PCSK2: variants seen among roughly 807,000 people sequenced by gnomAD.
PCSK2 encodes proprotein convertase subtilisin/kexin type 2, also known as neuroendocrine convertase 2.
Under a neutral mutation model 69.7 loss-of-function variants are expected in PCSK2, and 14 were observed. That is an observed-to-expected ratio of 0.20 (90% CI 0.13 to 0.31). The LOEUF (loss-of-function observed/expected upper bound fraction) is 0.31, where lower values mean the gene tolerates loss of function less well. PCSK2 is among the 10% of genes least tolerant of loss of function. The pLI, the probability that PCSK2 is intolerant of heterozygous loss-of-function variation, is 1.00. For missense variants in PCSK2, 544 were observed against 842.5 expected (o/e 0.65, Z 4.39); for synonymous variants, 307 against 320.7 (o/e 0.96, Z 0.46).
At position 17,453,407 on chromosome 20, in the gene PCSK2, G is replaced by T. The variant is rs990939205; in HGVS notation, c.886-335G>T. Reference sequence around the variant, plus strand: ...TGTTTTTTATTTTCCTTTCCATACAGTTAGACTTTTCATTGTGAGCATGTA... The same window carrying T: ...TGTTTTTTATTTTCCTTTCCATACATTTAGACTTTTCATTGTGAGCATGTA... On this transcript the variant is annotated intron_variant, in intron 8 of 11. Transcript: ENST00000262545. This position sits in a 1 kb window ranked among gnomAD's most constrained non-coding sequence, Gnocchi z 4.0. Among the ~76,000 whole-genome samples, 5 of 152,098 alleles carry T rather than the reference G, an allele frequency of 3.3e-5. No individual in the cohort carries two copies. The highest frequency in any genetic ancestry group is 7.4e-5 in the Non-Finnish European group (5 of 68,000).
intron 1 of PCSK2, among the ~76,000 whole-genome samples, chr20:17,254,151 C>T (rs1987092912): frequency 6.6e-6 from 1 of 152,160 alleles, no homozygotes; most frequent in Non-Finnish European, 1.5e-5. Context: ...TTTCTCCAAT[C>T]TGTGGGTTGT....
At chr20:17,262,422 A>G (rs1274453809) in intron 2 of PCSK2, among the ~76,000 whole-genome samples, 3 of 151,948 alleles carry the variant, frequency 2.0e-5, no homozygotes, top group Non-Finnish European at 4.4e-5. Context: ...AACTCATTCT[A>G]GGAAAATAAA....
Position 17,456,391 on chromosome 20 carries a change from G to T in PCSK2, c.1145G>T (p.Gly382Val). The T allele has an allele frequency of 6.2e-7, 1 of 1,613,240 alleles. No individual in the cohort carries two copies. The highest frequency in any genetic ancestry group is 8.5e-7 in the Non-Finnish European group (1 of 1,179,186). ...GGCAACTGCACTCTGAGGCATTCTG[G>T]GACATCTGCAGCTGCCCCCGAGGCA... is the stretch of plus-strand genomic sequence containing the variant. ...LYGNCTLRHSGTSAAAPEAAG... is the reference protein window; with the variant it reads ...LYGNCTLRHSVTSAAAPEAAG... The change falls in exon 10 of 12, where the codon GGG becomes GTG. Residue 382 changes from glycine (G) to valine (V), a missense_variant. This residue lies in a region of PCSK2 where 187 missense variants were observed against 399.8 expected (regional missense o/e 0.47). Transcript: ENST00000262545.
chr20:17,309,003 C>G (rs1045897393), intron 2 of PCSK2, among the ~76,000 whole-genome samples: 1 of 152,192 alleles, frequency 6.6e-6, no homozygotes, highest in African/African-American at 2.4e-5. Context: ...GGGAAACAGA[C>G]TCTGACTCTT....
intron 2 of PCSK2, among the ~76,000 whole-genome samples, chr20:17,311,516 A>T (rs1989510552): frequency 6.6e-6 from 1 of 152,108 alleles, no homozygotes; most frequent in African/African-American, 2.4e-5. Context: ...AGATGACTGA[A>T]TCCAAAAGTG....
At position 17,296,688 on chromosome 20, in the gene PCSK2, T is replaced by C. The variant is rs1345478302; in HGVS notation, c.282+36344T>C. Among the ~76,000 whole-genome samples the C allele has an allele frequency of 2.6e-5, 4 of 152,338 alleles. No homozygotes were observed. In the East Asian group the frequency reaches 7.7e-4, roughly 29 times the overall value. ...AAATGAGTCTTGTATTTCTGGCAGA[T>C]TTTATGCTGCATATTTTTAAATTAA... is the stretch of plus-strand genomic sequence containing the variant. On this transcript the variant is annotated intron_variant, in intron 2 of 11. Coordinates refer to ENST00000262545, the MANE Select transcript of PCSK2 (RefSeq NM_002594.5).
At position 17,243,297 on chromosome 20, in the gene PCSK2, C is replaced by T. The variant is rs765339158; in HGVS notation, c.177+15815C>T. 2.6e-5 allele frequency among the ~76,000 whole-genome samples: 4 copies of T among 152,256 alleles called. No individual in the cohort carries two copies. The East Asian group carries it at 7.7e-4, about 29-fold the overall frequency. On this transcript the variant is annotated intron_variant, in intron 1 of 11. Transcript: ENST00000262545. The stretch of plus-strand genomic sequence containing the variant: ...TTCACAGCAGCCTCCAACTCCTGGG[C>T]TCTAGTGATCCTCTCACCTCAGCCT...
At chr20:17,320,241 C>G (rs1483556434) in intron 2 of PCSK2, among the ~76,000 whole-genome samples, 1 of 152,180 alleles carries the variant, frequency 6.6e-6, no homozygotes, top group Non-Finnish European at 1.5e-5. Context: ...TAGCTCTCAT[C>G]CATGTTGTTC....
Position 17,453,900 on chromosome 20 carries a change from T to G in PCSK2, c.1044T>G (p.Ser348=), listed in dbSNP as rs763621719. The change falls in exon 9 of 12, where the codon TCT becomes TCG. Residue 348 remains serine, a synonymous_variant. Coordinates refer to ENST00000262545, the MANE Select transcript of PCSK2 (RefSeq NM_002594.5). The surrounding 1 kb of genome is among the most constrained non-coding windows in gnomAD (Gnocchi z 4.0). The part of the protein sequence containing the change: ...GRTALYDESC[S]STLASTFSNG... Reference sequence around the variant, plus strand: ...CTGCCCTGTACGACGAGAGCTGCTCTTCCACCTTGGCTTCCACCTTCAGCA... The same window carrying G: ...CTGCCCTGTACGACGAGAGCTGCTCGTCCACCTTGGCTTCCACCTTCAGCA... 4.3e-5 allele frequency: 70 copies of G among 1,614,066 alleles called. No individual in the cohort carries two copies. Among genetic ancestry groups the G allele is most frequent in the Non-Finnish European group, 5.9e-5 (70 of 1,180,014 alleles).
intron 2 of PCSK2, among the ~76,000 whole-genome samples, chr20:17,277,879 A>T (rs551604550): frequency 1.8e-4 from 28 of 152,170 alleles, no homozygotes; most frequent in African/African-American, 6.5e-4. Flanking sequence ...ACAAGAAAAA[A>T]ACAAACAACC....
intron 7 of PCSK2, among the ~76,000 whole-genome samples, chr20:17,433,804 T>TC (rs2032418137): frequency 8.3e-6 from 1 of 120,624 alleles, no homozygotes; most frequent in African/African-American, 3.4e-5. Flanking sequence ...TCTCTCTCTC[T>TC]CTCTCTCTCC....
intron 11 of PCSK2, among the ~76,000 whole-genome samples, chr20:17,480,078 C>T (rs2033367788): frequency 6.6e-6 from 1 of 151,804 alleles, no homozygotes; most frequent in Non-Finnish European, 1.5e-5. Context: ...CTAGAGAGTA[C>T]TTGGGCTTAA....
intron 10 of PCSK2, among the ~76,000 whole-genome samples, chr20:17,456,827 G>A (rs550922701): frequency 6.6e-6 from 1 of 152,228 alleles, no homozygotes; most frequent in Non-Finnish European, 1.5e-5. Flanking sequence ...GCTACTTGAA[G>A]ACAAATCAAA....
At chr20:17,288,536 T>G (rs1988596139) in intron 2 of PCSK2, among the ~76,000 whole-genome samples, 1 of 152,190 alleles carries the variant, frequency 6.6e-6, no homozygotes, top group Non-Finnish European at 1.5e-5. Context: ...GATTCATATG[T>G]TGAAGTCCTA....
At chr20:17,417,819 A>C (rs1403407092) in intron 6 of PCSK2, among the ~76,000 whole-genome samples, 4 of 152,226 alleles carry the variant, frequency 2.6e-5, no homozygotes, top group African/African-American at 9.6e-5. Flanking sequence ...GAATGACTGA[A>C]GTATAGAGGC....
At chr20:17,284,379 C>A (rs567270579) in intron 2 of PCSK2, among the ~76,000 whole-genome samples, 1 of 152,324 alleles carries the variant, frequency 6.6e-6, no homozygotes, top group East Asian at 1.9e-4. Flanking sequence ...ACACTATTGG[C>A]AATGGCTTTC....
chr20:17,281,937 C>T (rs1988331007), intron 2 of PCSK2, among the ~76,000 whole-genome samples: 1 of 152,142 alleles, frequency 6.6e-6, no homozygotes, highest in Admixed American at 6.6e-5. Flanking sequence ...AGCCACTTGA[C>T]TGTTGCCCTT....
At chr20:17,418,334 A>G (rs2269002) in intron 6 of PCSK2, among the ~76,000 whole-genome samples, 96,452 of 151,956 alleles carry the variant, frequency 0.63, 30,826 homozygotes, top group Middle Eastern at 0.72. Context: ...CTAGGATTTT[A>G]TCTAAGGCAA....
At position 17,465,524 on chromosome 20, in the gene PCSK2, C is replaced by T. The variant is rs1258969434; in HGVS notation, c.1401C>T (p.His467=). The T allele has an allele frequency of 6.2e-7, 1 of 1,608,266 alleles. No homozygotes were observed. The highest frequency in any genetic ancestry group is 1.7e-5 in the Admixed American group (1 of 59,722). ...KDWKTVPERF[H]CVGGSVQDPE... ...GGAAAACCGTGCCTGAGAGATTCCA[C>T]TGTGTGGGAGGCTCCGTGCAGGACC... The change falls in exon 11 of 12, where the codon CAC becomes CAT. Residue 467 remains histidine (H), a synonymous_variant. Coordinates refer to ENST00000262545, the MANE Select transcript of PCSK2 (RefSeq NM_002594.5).
Sources: allele counts gnomAD v4.1 joint callset (sites outside exome capture counted in the v4.1 genomes callset), GRCh38; gene constraint gnomAD v4.1.1; regional missense constraint gnomAD v4.1.1; non-coding constraint Gnocchi (gnomAD v3.1); transcripts MANE v1.5; gene names NCBI Gene and HGNC (gene_info 2026-07-23, HGNC 2026-07-21).